The following TAOK1 variants were observed in gnomAD, a reference collection of about 807,000 sequenced individuals.
TAOK1 encodes the protein TAO kinase 1.
A neutral mutation model predicts 138.3 loss-of-function variants in TAOK1; 21 were observed. That is an observed-to-expected ratio of 0.15 (90% CI 0.11 to 0.22). The LOEUF is 0.22. TAOK1 is among the 10% of genes least tolerant of loss of function. The pLI is 1.00. For missense variants in TAOK1, 651 were observed against 1,227.7 expected, an observed-to-expected ratio of 0.53 and a Z score of 7.02; for synonymous variants, 361 against 398.4, an observed-to-expected ratio of 0.91 and a Z score of 1.12.
At chr17:29,528,022 G>C (rs1233550685) in intron 17 of TAOK1, among the ~76,000 whole-genome samples, 1 of 152,058 alleles carries the variant, frequency 6.6e-6, no homozygotes, top group African/African-American at 2.4e-5. Flanking sequence ...TGAAAGATTA[G>C]TTTTGTTATT....
chr17:29,398,134 G>A (rs1318110817), intron 1 of TAOK1, among the ~76,000 whole-genome samples: 1 of 152,106 alleles, frequency 6.6e-6, no homozygotes, highest in Non-Finnish European at 1.5e-5. Flanking sequence ...ATCCCAAAGA[G>A]CTGGGATTAC....
chr17:29,410,058 G>C lies in TAOK1; in HGVS notation c.-95+19034G>C, dbSNP rs1905100305. ...GCTATTTTTAGTTTGTTTTTGTTCT[G>C]TTATGTATTCACGGATATGTATGTG... On this transcript the variant is annotated intron_variant, in intron 1 of 19. Transcript: ENST00000261716. 2.0e-5 allele frequency among the ~76,000 whole-genome samples: 3 copies of C among 152,078 alleles called. No individual in the cohort carries two copies. In the South Asian group the frequency reaches 6.2e-4, roughly 32 times the overall value.
chr17:29,532,583 A>G (rs185504148), intron 18 of TAOK1, among the ~76,000 whole-genome samples: 9 of 152,266 alleles, frequency 5.9e-5, no homozygotes, highest in African/African-American at 2.2e-4. Flanking sequence ...TCTGTTTAAC[A>G]AAGCACATCT....
intron 16 of TAOK1, among the ~76,000 whole-genome samples, chr17:29,520,883 G>C (rs574751371): frequency 7.2e-5 from 11 of 151,944 alleles, no homozygotes; most frequent in Non-Finnish European, 1.3e-4. Flanking sequence ...AATTAGCCAG[G>C]CGTGGTGGCA....
intron 18 of TAOK1, among the ~76,000 whole-genome samples, chr17:29,533,596 C>T (rs1025601328): frequency 9.2e-5 from 14 of 152,030 alleles, no homozygotes; most frequent in Admixed American, 4.6e-4. Context: ...CCTGGCACCT[C>T]GGGAGGCGGA....
At chr17:29,502,483 A>G (rs1312302478) in intron 12 of TAOK1, 106 bp from the exon 13 acceptor site, 2 of 1,286,748 alleles carry the variant, frequency 1.6e-6, no homozygotes, top group Non-Finnish European at 2.1e-6. Context: ...TTTTAAAATT[A>G]TGTCTTTGAG....
At chr17:29,439,958 C>T (rs370233759) in intron 1 of TAOK1, among the ~76,000 whole-genome samples, 3 of 151,404 alleles carry the variant, frequency 2.0e-5, no homozygotes, top group South Asian at 2.1e-4. Flanking sequence ...GTCCTACTTC[C>T]GAAACTCCTC....
intron 17 of TAOK1, among the ~76,000 whole-genome samples, chr17:29,529,667 A>G (rs1280744955): frequency 6.6e-6 from 1 of 152,148 alleles, no homozygotes; most frequent in Non-Finnish European, 1.5e-5. Context: ...AGAGTGCGAG[A>G]CCATCCTGGC....
chr17:29,536,379 C>T (rs947817377), intron 19 of TAOK1, among the ~76,000 whole-genome samples: 20 of 151,936 alleles, frequency 1.3e-4, no homozygotes, highest in Admixed American at 8.5e-4. Flanking sequence ...GGGCGGATCA[C>T]GAGGTCAGGG....
intron 1 of TAOK1, among the ~76,000 whole-genome samples, chr17:29,437,840 C>T (rs1411907926): frequency 7.0e-6 from 1 of 142,598 alleles, no homozygotes; most frequent in Non-Finnish European, 1.5e-5. Context: ...TTCAACGATT[C>T]TCTTGCCTCA....
chr17:29,394,070 C>CAACTCTTT (rs1904510517), intron 1 of TAOK1, among the ~76,000 whole-genome samples: 1 of 148,264 alleles, frequency 6.7e-6, no homozygotes, highest in African/African-American at 2.5e-5. Flanking sequence ...AGTAAGAAAG[C>CAACTCTTT]AACTCTTTAG....
chr17:29,421,847 C>T (rs192954416), intron 1 of TAOK1, among the ~76,000 whole-genome samples: 20 of 152,028 alleles, frequency 1.3e-4, no homozygotes, highest in Non-Finnish European at 2.2e-4. Context: ...AAGTGATCCT[C>T]GCCACTCGGC....
rs1567753669 is a variant in TAOK1 at position 29,551,297 on chromosome 17, A to T, written c.*8275A>T. The T allele has an allele frequency of 6.6e-6, 1 of 152,250 alleles. No individual in the cohort carries two copies. Among genetic ancestry groups the T allele is most frequent in the South Asian group, 2.1e-4 (1 of 4,828 alleles). 9.4% of individuals were successfully genotyped at this position (152,250 alleles called of 1,614,324 possible). A position where few individuals can be genotyped will look rare whatever the true frequency, so the allele number is the denominator to read the frequency against. On this transcript the variant is annotated 3_prime_UTR_variant, in exon 20 of 20. Transcript: ENST00000261716. ...CCCTTTGGTGAAGGGAAAAATGATG[A>T]TTTTGCAAGACCTAGATTTTGGCTT... is the stretch of plus-strand genomic sequence containing the variant.
Position 29,544,368 on chromosome 17 carries a change from G to T in TAOK1, c.*1346G>T, listed in dbSNP as rs2032368722. 1 of 152,428 alleles carries T rather than the reference G, an allele frequency of 6.6e-6. No homozygotes were observed. Among genetic ancestry groups the T allele is most frequent in the African/African-American group, 2.4e-5 (1 of 41,344 alleles). 9.4% of individuals were successfully genotyped at this position (152,428 alleles called of 1,614,324 possible). A position where few individuals can be genotyped will look rare whatever the true frequency, so the allele number is the denominator to read the frequency against. Reference sequence around the variant, plus strand: ...ACTTTACAAACTTCTAGTTCGTTGAGACTTAGTGACCATTTGGCATCAAGT... The same window carrying T: ...ACTTTACAAACTTCTAGTTCGTTGATACTTAGTGACCATTTGGCATCAAGT... On this transcript the variant is annotated 3_prime_UTR_variant, in exon 20 of 20. Transcript: ENST00000261716.
chr17:29,435,373 G>A (rs2067296840), intron 1 of TAOK1, among the ~76,000 whole-genome samples: 1 of 152,210 alleles, frequency 6.6e-6, no homozygotes, highest in African/African-American at 2.4e-5. Flanking sequence ...ATAGGACTGA[G>A]TGGTTTGCAA....
chr17:29,468,135 A>ATTTTT (rs761962930), intron 3 of TAOK1, among the ~76,000 whole-genome samples: 969 of 76,048 alleles, frequency 0.013, 167 homozygotes, highest in Non-Finnish European at 0.018. Flanking sequence ...CCTGCTTTCA[A>ATTTTT]TTTTTTTTTT....
intron 1 of TAOK1, among the ~76,000 whole-genome samples, chr17:29,397,826 T>C (rs1904708596): frequency 6.6e-6 from 1 of 150,854 alleles, no homozygotes; most frequent in Non-Finnish European, 1.5e-5. Context: ...TATATACATG[T>C]ATATATATGT....
chr17:29,408,265 C>G (rs911207300), intron 1 of TAOK1, among the ~76,000 whole-genome samples: 1 of 150,246 alleles, frequency 6.7e-6, no homozygotes, highest in African/African-American at 2.5e-5. Flanking sequence ...TGCTGTGTCC[C>G]CCAGGGCTGG....
At position 29,530,566 on chromosome 17, in the gene TAOK1, A is replaced by C; in HGVS notation, c.2308A>C (p.Ile770Leu). Residue 770 changes from isoleucine to leucine, a missense_variant, in exon 18 of 20, where the codon ATC (isoleucine) becomes CTC (leucine). This residue lies in a region of TAOK1 where 258 missense variants were observed against 548.9 expected (regional missense o/e 0.47). Transcript: ENST00000261716. The stretch of plus-strand genomic sequence containing the variant: ...GGAGGAACAGACCCGGAAATTAGCT[A>C]TCTTGGCTGAGCAGTATGATCACAG... ...LKEEQTRKLA[I>L]LAEQYDHSIN... is the part of the protein sequence containing the mutation. The C allele has an allele frequency of 1.9e-6, 3 of 1,614,180 alleles. No homozygotes were observed. Among genetic ancestry groups the C allele is most frequent in the Non-Finnish European group, 2.5e-6 (3 of 1,180,034 alleles).
Sources: allele counts gnomAD v4.1 joint callset (sites outside exome capture counted in the v4.1 genomes callset), GRCh38; gene constraint gnomAD v4.1.1; regional missense constraint gnomAD v4.1.1; transcripts MANE v1.5; gene names NCBI Gene and HGNC (gene_info 2026-07-23, HGNC 2026-07-21).